Variants in NUBPL observed in about 807,000 individuals in gnomAD.
The protein encoded by NUBPL is NUBP iron-sulfur cluster assembly factor, mitochondrial, also known as iron-sulfur cluster transfer protein NUBPL.
NUBPL carries 31 observed loss-of-function variants against 45.7 expected under a neutral mutation model. The observed-to-expected ratio is 0.68, with a 90% CI of 0.51 to 0.92. The LOEUF (loss-of-function observed/expected upper bound fraction) is 0.92. NUBPL is among the 40% of genes least tolerant of loss of function. The pLI is 0.00. For synonymous variants in NUBPL, 144 were observed against 140.9 expected (o/e 1.02, Z -0.15); for missense variants, 401 against 398.7 (o/e 1.01, Z -0.05).
At chr14:31,811,193 GATAAT>G (rs2039797960) in intron 7 of NUBPL, among the ~76,000 whole-genome samples, 1 of 152,108 alleles carries the variant, frequency 6.6e-6, no homozygotes, top group South Asian at 2.1e-4. Flanking sequence ...AGTTCTCCTG[GATAAT>G]ATCCTGAAGA....
At chr14:31,712,630 T>TG (rs1472246407) in intron 6 of NUBPL, among the ~76,000 whole-genome samples, 1 of 152,188 alleles carries the variant, frequency 6.6e-6, no homozygotes, top group African/African-American at 2.4e-5. Context: ...CCAGAGAGGA[T>TG]GCCGAGGCCA....
At chr14:31,567,163 C>G (rs35896456) in intron 3 of NUBPL, among the ~76,000 whole-genome samples, 3 of 151,738 alleles carry the variant, frequency 2.0e-5, no homozygotes, top group African/African-American at 7.3e-5. Context: ...AACAACATAC[C>G]GTTTTTTTCT....
chr14:31,572,663 T>C (rs763830769), intron 3 of NUBPL, among the ~76,000 whole-genome samples: 3 of 152,230 alleles, frequency 2.0e-5, no homozygotes, highest in Non-Finnish European at 4.4e-5. Context: ...GCCTACACAC[T>C]GTTCTTTTCC....
chr14:31,597,213 C>A (rs934370873), intron 3 of NUBPL, among the ~76,000 whole-genome samples: 1 of 152,116 alleles, frequency 6.6e-6, no homozygotes, highest in Non-Finnish European at 1.5e-5. Flanking sequence ...ACGTAGAGAG[C>A]CTAATATGTA....
At chr14:31,848,737 C>T (rs1475422675) in intron 9 of NUBPL, among the ~76,000 whole-genome samples, 1 of 152,178 alleles carries the variant, frequency 6.6e-6, no homozygotes, top group African/African-American at 2.4e-5. Flanking sequence ...CAAGATTTTT[C>T]CCCTTCTTGG....
intron 6 of NUBPL, among the ~76,000 whole-genome samples, chr14:31,679,571 A>T (rs1236895552): frequency 6.6e-6 from 1 of 152,158 alleles, no homozygotes; most frequent in Admixed American, 6.5e-5. Context: ...AATTAACCGT[A>T]TGTGTATCAT....
At chr14:31,676,322 C>T (rs1427649111) in intron 6 of NUBPL, among the ~76,000 whole-genome samples, 4 of 152,152 alleles carry the variant, frequency 2.6e-5, no homozygotes, top group Non-Finnish European at 5.9e-5. Flanking sequence ...TGCAACCGTC[C>T]AGGATGTAGC....
chr14:31,737,756 C>G lies in NUBPL; in HGVS notation c.514-50024C>G, dbSNP rs567693979. Among the ~76,000 whole-genome samples the G allele has an allele frequency of 3.3e-5, 5 of 152,234 alleles. No individual in the cohort carries two copies. The South Asian group carries it at 1.0e-3, about 32-fold the overall frequency. On this transcript the variant is annotated intron_variant, in intron 6 of 10. Coordinates refer to ENST00000281081, the MANE Select transcript of NUBPL (RefSeq NM_025152.3). ...CTGAAATCATGCCACTTCGCTCTAGCCTGGGTGACAGAGCAAGACTCTGTC... is the reference window on the plus strand; with the variant it reads ...CTGAAATCATGCCACTTCGCTCTAGGCTGGGTGACAGAGCAAGACTCTGTC...
At chr14:31,599,493 T>C in intron 4 of NUBPL, 114 bp downstream of exon 4, 1 of 729,988 alleles carries the variant, frequency 1.4e-6, no homozygotes, top group Admixed American at 2.3e-5. Context: ...GTAGTGTAAG[T>C]CCTCACTTAA....
intron 6 of NUBPL, among the ~76,000 whole-genome samples, chr14:31,709,349 C>G (rs368942115): frequency 9.9e-5 from 15 of 152,152 alleles, no homozygotes; most frequent in African/African-American, 3.6e-4. Context: ...GTACTTTTTC[C>G]TAATTCTCCT....
chr14:31,858,798 C>T (rs1456361244), intron 10 of NUBPL, among the ~76,000 whole-genome samples: 2 of 152,002 alleles, frequency 1.3e-5, no homozygotes, highest in Non-Finnish European at 2.9e-5. Flanking sequence ...TTTTTCAGAG[C>T]AAAAAGGTGT....
intron 6 of NUBPL, among the ~76,000 whole-genome samples, chr14:31,721,723 G>A (rs1170464108): frequency 6.6e-6 from 1 of 151,850 alleles, no homozygotes; most frequent in Non-Finnish European, 1.5e-5. Flanking sequence ...TGTCACACAG[G>A]TACTAAGCCC....
At chr14:31,626,713 C>A (rs7155549) in intron 4 of NUBPL, among the ~76,000 whole-genome samples, 60,906 of 151,950 alleles carry the variant, frequency 0.4, 12,387 homozygotes, top group South Asian at 0.49. Flanking sequence ...GACTTCTCAC[C>A]AGTTTGTGTT....
rs562748499 is a variant in NUBPL at position 31,855,932 on chromosome 14, C to A, written c.898-3186C>A. On this transcript the variant is annotated intron_variant, in intron 10 of 10. Transcript: ENST00000281081. Reference sequence around the variant, plus strand: ...AAAGTCGGGATAATGATAGAATTTACCCCCAGAGTAACTGTGAAGATAAAT... The same window carrying A: ...AAAGTCGGGATAATGATAGAATTTAACCCCAGAGTAACTGTGAAGATAAAT... Among the ~76,000 whole-genome samples the A allele has an allele frequency of 3.4e-4, 51 of 152,200 alleles. No individual in the cohort carries two copies. The South Asian group carries it at 1.0e-2, about 30-fold the overall frequency.
intron 7 of NUBPL, among the ~76,000 whole-genome samples, chr14:31,792,531 T>C (rs1306244072): frequency 6.6e-6 from 1 of 152,160 alleles, no homozygotes; most frequent in African/African-American, 2.4e-5. Flanking sequence ...CCTGGCTGTC[T>C]GTATAGAGTT....
chr14:31,783,085 T>C (rs1458107478), intron 6 of NUBPL, among the ~76,000 whole-genome samples: 2 of 152,180 alleles, frequency 1.3e-5, no homozygotes, highest in East Asian at 3.9e-4. Context: ...GAAAGGTTTA[T>C]TGTGAGTCAG....
intron 6 of NUBPL, among the ~76,000 whole-genome samples, chr14:31,742,940 A>G (rs752048056): frequency 6.6e-6 from 1 of 151,900 alleles, no homozygotes; most frequent in Admixed American, 6.6e-5. Flanking sequence ...ACTTCTATAA[A>G]TTTTATTTTC....
At chr14:31,577,844 G>A in intron 3 of NUBPL, 2 of 367,884 alleles carry the variant, frequency 5.4e-6, no homozygotes, top group Non-Finnish European at 7.5e-6. Flanking sequence ...TCAGGTCTTG[G>A]ATTGGATGTC....
At chr14:31,644,129 G>A (rs1402213311) in intron 4 of NUBPL, among the ~76,000 whole-genome samples, 1 of 151,684 alleles carries the variant, frequency 6.6e-6, no homozygotes, top group East Asian at 1.9e-4. Context: ...GTTTCTTTCA[G>A]TATCAATTTC....
Sources: allele counts gnomAD v4.1 joint callset (sites outside exome capture counted in the v4.1 genomes callset), GRCh38; gene constraint gnomAD v4.1.1; transcripts MANE v1.5; gene names NCBI Gene and HGNC (gene_info 2026-07-23, HGNC 2026-07-21).